Variants in WDR86 observed in about 807,000 individuals in gnomAD.
WDR86 encodes WD repeat-containing protein 86.
WDR86 carries 30 observed loss-of-function variants against 36.5 expected under a neutral mutation model. That is an observed-to-expected ratio of 0.82 (90% CI 0.61 to 1.11). WDR86 has a LOEUF of 1.11. Among genes scored for constraint, WDR86 ranks in the 50% most tolerant of loss-of-function variants. WDR86 has a pLI of 0.00. For missense variants in WDR86, 545 were observed against 561.2 expected (o/e 0.97, Z 0.29); for synonymous variants, 255 against 252.9 (o/e 1.01, Z -0.08).
At chr7:151,382,094 T>C in intron 4 of WDR86, 113 bp from the exon 5 acceptor site, 1 of 868,622 alleles carries the variant, frequency 1.2e-6, no homozygotes, top group Non-Finnish European at 1.8e-6. Flanking sequence ...CCCACGGGGG[T>C]ATCCTGAGGC....
downstream of WDR86, chr7:151,377,146 C>A (rs1303944587): frequency 6.3e-7 from 1 of 1,589,908 alleles, no homozygotes; most frequent in Admixed American, 1.8e-5. Flanking sequence ...CTTGACTCAA[C>A]TCTGGAAGAT....
In WDR86 at chr7:151,382,000, C is replaced by G. The variant is rs755965762; in HGVS notation, c.863-19G>C. 6.3e-7 allele frequency: 1 copy of G among 1,577,196 alleles called. No homozygotes were observed. Among genetic ancestry groups the G allele is most frequent in the Non-Finnish European group, 8.6e-7 (1 of 1,162,156 alleles). On this transcript the variant is annotated intron_variant, in intron 4 of 5. Coordinates refer to ENST00000334493, the MANE Select transcript of WDR86 (RefSeq NM_198285.3). The surrounding 1 kb of genome is among the most constrained non-coding windows in gnomAD (Gnocchi z 4.8). ...GTGAACACTGCGGACACACAGCGCG[C>G]GCTGGGCCTCCCTCCCTGCTCGGCC... is the stretch of plus-strand genomic sequence containing the variant.
At position 151,397,732 on chromosome 7, in the gene WDR86, T is replaced by C. The variant is rs111917907; in HGVS notation, c.306-1536A>G. Among the ~76,000 whole-genome samples, 142 of 78,632 alleles carry C rather than the reference T, an allele frequency of 1.8e-3. 2 individuals carry two copies. The highest frequency in any genetic ancestry group is 7.5e-3 in the East Asian group (11 of 1,476). 51.6% of individuals were successfully genotyped at this position (78,632 alleles called of 152,430 possible). On this transcript the variant is annotated intron_variant, in intron 2 of 5. Coordinates refer to ENST00000334493, the MANE Select transcript of WDR86 (RefSeq NM_198285.3). ...GAAGGGCATAGCGGGAGGAAGAGGG[T>C]GTAGCGGGAGGAAGAGGGTGTAGCG... is the stretch of plus-strand genomic sequence containing the variant.
intron 3 of WDR86, among the ~76,000 whole-genome samples, chr7:151,393,270 T>C (rs1452191357): frequency 6.6e-6 from 1 of 152,168 alleles, no homozygotes; most frequent in African/African-American, 2.4e-5. Flanking sequence ...TGCATGTGCA[T>C]GTGGAGTGTG....
At chr7:151,397,589 CT>C (rs1799913030) in intron 2 of WDR86, among the ~76,000 whole-genome samples, 1 of 143,284 alleles carries the variant, frequency 7.0e-6, no homozygotes, top group African/African-American at 2.6e-5. Flanking sequence ...GAAATGATGC[CT>C]TGATGCTGCT....
chr7:151,402,070 A>AAAAAAAAAAAAATATAT, intron 1 of WDR86, among the ~76,000 whole-genome samples: 2 of 50,556 alleles, frequency 4.0e-5, no homozygotes, highest in African/African-American at 2.4e-4. Flanking sequence ...AAAAAAAAAA[A>AAAAAAAAAAAAATATAT]ATATATATAT....
At chr7:151,392,482 G>T (rs529013207) in intron 3 of WDR86, among the ~76,000 whole-genome samples, 1 of 152,324 alleles carries the variant, frequency 6.6e-6, no homozygotes, top group African/African-American at 2.4e-5. Flanking sequence ...CATGTGGAGA[G>T]CATGTAACCC....
chr7:151,371,052 C>T (rs934567621), downstream of WDR86, among the ~76,000 whole-genome samples: 2 of 152,046 alleles, frequency 1.3e-5, no homozygotes, highest in African/African-American at 4.8e-5. Context: ...ATAGTGGAGT[C>T]ATATCACTTG....
chr7:151,377,312 T>C, downstream of WDR86: 1 of 983,414 alleles, frequency 1.0e-6, no homozygotes, highest in Non-Finnish European at 1.5e-6. Context: ...TCTTACTTTT[T>C]ATCTGAATTA....
intron 4 of WDR86, 148 bp downstream of exon 4, chr7:151,384,940 G>C: frequency 1.1e-6 from 1 of 878,168 alleles, no homozygotes; most frequent in Non-Finnish European, 1.7e-6. Context: ...CTGGAAGCAC[G>C]GGTGTGTGGA....
chr7:151,373,746 G>A (rs1798067804), downstream of WDR86, among the ~76,000 whole-genome samples: 1 of 152,220 alleles, frequency 6.6e-6, no homozygotes, highest in South Asian at 2.1e-4. Flanking sequence ...GTTCCTAGAA[G>A]AGAATCCATG....
exon 2 of WDR86, chr7:151,376,023 C>G: frequency 1.1e-6 from 1 of 892,090 alleles, no homozygotes; most frequent in Non-Finnish European, 1.9e-6. Flanking sequence ...AATCAGGCAG[C>G]AGGACTGGGG....
downstream of WDR86, chr7:151,376,758 T>G (rs758075453): frequency 3.8e-6 from 6 of 1,596,464 alleles, no homozygotes; most frequent in East Asian, 9.1e-5. Context: ...GAGCTGCCGC[T>G]GTCGCCAGAA....
downstream of WDR86, chr7:151,376,572 C>G (rs736469): frequency 0.17 from 248,104 of 1,474,192 alleles, 23,867 homozygotes; most frequent in East Asian, 0.36. Context: ...ACTCGTATGG[C>G]TGACGGGGGT....
At chr7:151,376,303 T>A (rs1473201516), downstream of WDR86, 9 of 476,334 alleles carry the variant, frequency 1.9e-5, no homozygotes, top group Admixed American at 1.4e-4. Flanking sequence ...TGTCCACATT[T>A]GTGCCCCTAC....
chr7:151,403,800 C>T (rs1048107738), intron 1 of WDR86, among the ~76,000 whole-genome samples: 2 of 152,162 alleles, frequency 1.3e-5, no homozygotes, highest in East Asian at 1.9e-4. Flanking sequence ...GGAACAGATC[C>T]GTCCCACCCT....
At position 151,385,978 on chromosome 7, in the gene WDR86, G is replaced by A. The variant is rs539556059; in HGVS notation, c.727-755C>T. On this transcript the variant is annotated intron_variant, in intron 3 of 5. Transcript: ENST00000334493. ...GCACCTCTGGTCAGCAGTCACGGAC[G>A]AGAAGGCCAGGGCGGGCAGGCGGGC... Among the ~76,000 whole-genome samples, 8 of 152,296 alleles carry A rather than the reference G, an allele frequency of 5.3e-5. No homozygotes were observed. The East Asian group carries it at 1.2e-3, about 22-fold the overall frequency.
At position 151,405,358 on chromosome 7, in the gene WDR86, G is replaced by A. The variant is rs890425596; in HGVS notation, c.163+4069C>T. ...AAGGAAGCCCTCTCAGCTGTTTCCAGGATGCAGTGGCTGCGTCCCCGACTC... is the reference window on the plus strand; with the variant it reads ...AAGGAAGCCCTCTCAGCTGTTTCCAAGATGCAGTGGCTGCGTCCCCGACTC... On this transcript the variant is annotated intron_variant, in intron 1 of 5. Transcript: ENST00000334493. The surrounding 1 kb of genome is among the most constrained non-coding windows in gnomAD (Gnocchi z 4.7). 1.3e-5 allele frequency among the ~76,000 whole-genome samples: 2 copies of A among 152,180 alleles called. No homozygotes were observed. Among genetic ancestry groups the A allele is most frequent in the Non-Finnish European group, 2.9e-5 (2 of 68,030 alleles).
At chr7:151,386,133 A>G (rs1489447900) in intron 3 of WDR86, among the ~76,000 whole-genome samples, 2 of 152,204 alleles carry the variant, frequency 1.3e-5, no homozygotes, top group African/African-American at 4.8e-5. Flanking sequence ...CACACAGGGC[A>G]TTTCTCCTGT....
Sources: gnomAD v4.1 joint callset for allele counts (sites outside exome capture counted in the v4.1 genomes callset) on GRCh38, gnomAD v4.1.1 for gene constraint, Gnocchi (gnomAD v3.1) non-coding constraint, MANE v1.5 for transcripts, NCBI Gene and HGNC (gene_info 2026-07-23, HGNC 2026-07-21) for gene names.